The following ARHGAP15 variants were observed in gnomAD, a reference collection of about 807,000 sequenced individuals.
ARHGAP15 encodes the protein Rho GTPase activating protein 15, also known as rho GTPase-activating protein 15.
In ARHGAP15, 51 loss-of-function variants were observed where a neutral mutation model predicts 63.7. The ratio of observed to expected loss-of-function variants is 0.80; its 90% CI spans 0.64 to 1.01. The LOEUF (loss-of-function observed/expected upper bound fraction) is 1.01. Among genes scored for constraint, ARHGAP15 ranks in the 50% least tolerant of loss-of-function variants. ARHGAP15 has a pLI of 0.00. For missense variants in ARHGAP15, 560 were observed against 564.6 expected (o/e 0.99, Z 0.08); for synonymous variants, 191 against 193.8 (o/e 0.99, Z 0.12).
chr2:143,537,015 C>G (rs1574597342), intron 10 of ARHGAP15, among the ~76,000 whole-genome samples: 4 of 152,058 alleles, frequency 2.6e-5, no homozygotes. Flanking sequence ...TCCTATTTCT[C>G]CACATCCTCT....
chr2:143,385,476 A>G (rs1687241151), intron 6 of ARHGAP15, among the ~76,000 whole-genome samples: 1 of 152,110 alleles, frequency 6.6e-6, no homozygotes, highest in African/African-American at 2.4e-5. Flanking sequence ...ATACATTGGA[A>G]AGCCTTTTTT....
intron 9 of ARHGAP15, among the ~76,000 whole-genome samples, chr2:143,493,562 T>G (rs1450855846): frequency 6.6e-6 from 1 of 152,236 alleles, no homozygotes; most frequent in Non-Finnish European, 1.5e-5. Flanking sequence ...TTTCATTTTT[T>G]TCTTGCATTC....
chr2:143,324,935 C>T (rs1684185790), intron 6 of ARHGAP15, among the ~76,000 whole-genome samples: 1 of 152,110 alleles, frequency 6.6e-6, no homozygotes, highest in Non-Finnish European at 1.5e-5. Context: ...TTTTAAAAAA[C>T]ATGATTATAA....
chr2:143,282,288 A>ATCAT (rs1235892010), intron 6 of ARHGAP15, among the ~76,000 whole-genome samples: 4 of 152,090 alleles, frequency 2.6e-5, no homozygotes, highest in African/African-American at 9.7e-5. Flanking sequence ...ATTGTATAAC[A>ATCAT]TCATTATTGG....
intron 6 of ARHGAP15, among the ~76,000 whole-genome samples, chr2:143,404,861 T>C (rs1260207902): frequency 2.0e-5 from 3 of 151,912 alleles, no homozygotes; most frequent in Admixed American, 6.6e-5. Flanking sequence ...GCTCTTAAAA[T>C]TAATGAAAAT....
intron 9 of ARHGAP15, among the ~76,000 whole-genome samples, chr2:143,506,263 C>T (rs1271804616): frequency 2.0e-5 from 3 of 152,132 alleles, no homozygotes; most frequent in Non-Finnish European, 4.4e-5. Flanking sequence ...CAGCTTTAGT[C>T]CATATAAGTT....
At chr2:143,235,333 GA>G (rs1466959260) in intron 5 of ARHGAP15, among the ~76,000 whole-genome samples, 4 of 146,000 alleles carry the variant, frequency 2.7e-5, no homozygotes, top group African/African-American at 9.9e-5. Flanking sequence ...GTTATAATTT[GA>G]ATATGTGGAG....
intron 6 of ARHGAP15, among the ~76,000 whole-genome samples, chr2:143,263,457 T>A (rs770989555): frequency 6.6e-6 from 1 of 152,148 alleles, no homozygotes; most frequent in Admixed American, 6.6e-5. Context: ...TGGAAGATCA[T>A]GTAATCAGTG....
chr2:143,381,847 T>A (rs1390841416), intron 6 of ARHGAP15, among the ~76,000 whole-genome samples: 19 of 138,802 alleles, frequency 1.4e-4, no homozygotes, highest in Admixed American at 1.3e-3. Flanking sequence ...GTATGTTAGA[T>A]TTTTTAAAAA....
intron 1 of ARHGAP15, among the ~76,000 whole-genome samples, chr2:143,145,861 TGTG>T (rs1458338941): frequency 6.6e-6 from 1 of 150,936 alleles, no homozygotes. Context: ...TGTGTGTGTG[TGTG>T]TGTGTGTGTG....
At chr2:143,446,294 T>G (rs1690135262) in intron 8 of ARHGAP15, among the ~76,000 whole-genome samples, 1 of 151,862 alleles carries the variant, frequency 6.6e-6, no homozygotes, top group Non-Finnish European at 1.5e-5. Flanking sequence ...TAAAATGATT[T>G]CCATCTGGGT....
chr2:143,713,866 C>T (rs969384214), intron 13 of ARHGAP15, among the ~76,000 whole-genome samples: 4 of 152,194 alleles, frequency 2.6e-5, no homozygotes, highest in Admixed American at 2.0e-4. Context: ...CAGCTCTGCC[C>T]CTGTGGCTTT....
intron 2 of ARHGAP15, among the ~76,000 whole-genome samples, chr2:143,165,044 G>A (rs827226): frequency 0.69 from 104,232 of 151,860 alleles, 36,430 homozygotes; most frequent in East Asian, 0.92. Context: ...CCTAAATCAA[G>A]GAAGCCAAAT....
At chr2:143,656,580 A>G (rs1681446084) in intron 12 of ARHGAP15, among the ~76,000 whole-genome samples, 2 of 152,200 alleles carry the variant, frequency 1.3e-5, no homozygotes, top group South Asian at 4.1e-4. Context: ...ACTGTTTCTT[A>G]TTCCTTGAAG....
intron 8 of ARHGAP15, among the ~76,000 whole-genome samples, chr2:143,482,277 C>T (rs1692115683): frequency 6.6e-6 from 1 of 152,044 alleles, no homozygotes; most frequent in African/African-American, 2.4e-5. Context: ...AAAAACTACT[C>T]GTTGGCTTAA....
chr2:143,546,416 T>C (rs1695331582), intron 10 of ARHGAP15, among the ~76,000 whole-genome samples: 1 of 152,170 alleles, frequency 6.6e-6, no homozygotes, highest in South Asian at 2.1e-4. Flanking sequence ...AGCCTTTTAT[T>C]GTGTTTCTTT....
chr2:143,388,202 TTAAA>T (rs1269376660), intron 6 of ARHGAP15, among the ~76,000 whole-genome samples: 2 of 152,202 alleles, frequency 1.3e-5, no homozygotes, highest in African/African-American at 4.8e-5. Flanking sequence ...CATCATTTAA[TTAAA>T]TATTACATGA....
chr2:143,462,378 A>C (rs1690986442), intron 8 of ARHGAP15, among the ~76,000 whole-genome samples: 1 of 152,192 alleles, frequency 6.6e-6, no homozygotes, highest in Admixed American at 6.5e-5. Context: ...AAACTAAAAG[A>C]CTACAAAGAA....
chr2:143,435,400 G>A, intron 6 of ARHGAP15: 1 of 1,185,172 alleles, frequency 8.4e-7, no homozygotes, highest in South Asian at 2.3e-5. Context: ...AAACAATAAT[G>A]TATTTGTTAT....
Sources: gnomAD v4.1 joint callset for allele counts (sites outside exome capture counted in the v4.1 genomes callset) on GRCh38, gnomAD v4.1.1 for gene constraint, MANE v1.5 for transcripts, NCBI Gene and HGNC (gene_info 2026-07-23, HGNC 2026-07-21) for gene names.